The following KRT17 variants were observed in gnomAD, a reference collection of about 807,000 sequenced individuals.
KRT17 encodes the protein keratin, type I cytoskeletal 17.
A neutral mutation model predicts 45.6 loss-of-function variants in KRT17; 29 were observed. The observed-to-expected ratio is 0.64, with a 90% CI of 0.47 to 0.87. The LOEUF is 0.87. Ranked by LOEUF, KRT17 falls within the 40% of genes least tolerant of loss-of-function variation. KRT17 has a pLI of 0.00. For synonymous variants in KRT17, 219 were observed against 234.6 expected, an observed-to-expected ratio of 0.93 and a Z score of 0.61; for missense variants, 536 against 577.8, an observed-to-expected ratio of 0.93 and a Z score of 0.74.
At chr17:41,623,847 C>T (rs571511137) in intron 1 of KRT17, among the ~76,000 whole-genome samples, 1 of 152,372 alleles carries the variant, frequency 6.6e-6, no homozygotes, top group African/African-American at 2.4e-5. Context: ...GAAACTGAGG[C>T]TCCAAGGGGC....
chr17:41,619,799 G>A (rs1200168084), intron 7 of KRT17, 111 bp from the exon 8 acceptor site: 3 of 1,580,716 alleles, frequency 1.9e-6, no homozygotes, highest in Non-Finnish European at 2.6e-6. Context: ...CCCAGGTGCT[G>A]TGAGTGCCTC....
In KRT17 at chr17:41,622,482, C is replaced by T. The variant is rs750881227; in HGVS notation, c.545G>A (p.Ser182Asn). The T allele has an allele frequency of 8.7e-6, 14 of 1,613,720 alleles. No homozygotes were observed. In the Admixed American group the frequency reaches 2.2e-4, roughly 25 times the overall value. The change falls in exon 3 of 8, where the codon AGT (serine) becomes AAT (asparagine). Residue 182 changes from serine (S) to asparagine (N), a missense_variant. Transcript: ENST00000311208. ...KFETEQALRL[S>N]VEADINGLRR... ...CAGGCCATTGATGTCGGCCTCCACACTCAGGCGCAGGGCCTGCTCTGTCTC... is the reference window on the plus strand; with the variant it reads ...CAGGCCATTGATGTCGGCCTCCACATTCAGGCGCAGGGCCTGCTCTGTCTC...
Position 41,621,738 on chromosome 17 carries a change from C to T in KRT17, c.689G>A (p.Arg230Gln), listed in dbSNP as rs137961542. ...ATTGATCTCACCACCCACCTGGCCT[C>T]GCAGGGCGTTCATCTCCTATGGAAA... ...KNHEEEMNALRGQVGGEINVE... is the reference protein window; with the variant it reads ...KNHEEEMNALQGQVGGEINVE... The change falls in exon 4 of 8, where the codon CGA becomes CAA. Residue 230 changes from arginine (R) to glutamine (Q), a missense_variant. Physicochemically the swap from Arg to Gln is conservative, Grantham distance 43. Transcript: ENST00000311208. 87 of 1,611,954 alleles carry T rather than the reference C, an allele frequency of 5.4e-5. No homozygotes were observed. The highest frequency in any genetic ancestry group is 6.5e-5 in the Non-Finnish European group (77 of 1,179,860).
At chr17:41,622,077 T>C (rs1908560792) in intron 3 of KRT17, 8 of 594,638 alleles carry the variant, frequency 1.3e-5, no homozygotes, top group Non-Finnish European at 2.4e-5. Flanking sequence ...ATTTCCTTAC[T>C]TATCCCCCAC....
chr17:41,622,877 T>G lies in KRT17; in HGVS notation c.515+73A>C, dbSNP rs1385923193. The stretch of plus-strand genomic sequence containing the variant: ...CTTGCCACAAGCAACCAAGGAATCC[T>G]GGGGTCAGGAGGGGTACCCTGAGAT... On this transcript the variant is annotated intron_variant, in intron 2 of 7. Transcript: ENST00000311208. 3.8e-6 allele frequency: 5 copies of G among 1,330,690 alleles called. No individual in the cohort carries two copies. In the East Asian group the frequency reaches 1.2e-4, roughly 31 times the overall value. The allele number at this position is 1,330,690 out of a possible 1,614,324, so 82.4% of individuals were successfully genotyped here.
rs1418659604 is a variant in KRT17 at position 41,624,309 on chromosome 17, A to G, written c.201T>C (p.Gly67=). The change falls in exon 1 of 8, where the codon GGT becomes GGC. Residue 67 remains glycine (G), a synonymous_variant. Transcript: ENST00000311208. The part of the protein sequence containing the change: ...YSSCYSFGSG[G]GYGSSFGGVD... ...CACCCCCAAAGCTGCTGCCATAGCC[A>G]CCACCAGAGCCAAAGCTGTAGCAGC... is the stretch of plus-strand genomic sequence containing the variant. 2 of 1,611,980 alleles carry G rather than the reference A, an allele frequency of 1.2e-6. No homozygotes were observed. Among genetic ancestry groups the G allele is most frequent in the Admixed American group, 3.3e-5 (2 of 60,002 alleles).
chr17:41,621,074 G>A lies in KRT17; in HGVS notation c.852C>T (p.Arg284=), dbSNP rs147718833. 100 of 1,613,946 alleles carry A rather than the reference G, an allele frequency of 6.2e-5. 1 individual carries two copies. The East Asian group carries it at 1.6e-3, about 27-fold the overall frequency. Residue 284 remains arginine, a synonymous_variant, in exon 5 of 8, where the codon CGC becomes CGT. Coordinates refer to ENST00000311208, the MANE Select transcript of KRT17 (RefSeq NM_000422.3). ...CCAGCTCACTGTTGGTGGCCACCTC[G>A]CGGTTCAGTTCCTCTGTCTGCAGAC... The part of the protein sequence containing the change: ...WFFSKTEELN[R]EVATNSELVQ...
At chr17:41,623,682 C>T (rs1218707189) in intron 1 of KRT17, among the ~76,000 whole-genome samples, 2 of 151,850 alleles carry the variant, frequency 1.3e-5, no homozygotes, top group Non-Finnish European at 2.9e-5. Context: ...CTCACTCAGA[C>T]ACCCCCACTC....
In KRT17 at chr17:41,624,532, C is replaced by T. The variant is rs1415423454; in HGVS notation, c.-23G>A. 5.6e-6 allele frequency: 9 copies of T among 1,604,392 alleles called. No homozygotes were observed. The highest frequency in any genetic ancestry group is 7.7e-6 in the Non-Finnish European group (9 of 1,175,438). ...CATGGTGGCGGCGGCAGGAGGCAGG[C>T]ACACAGGAGAAGGGCTGGAGAGGAG... is the stretch of plus-strand genomic sequence containing the variant. On this transcript the variant is annotated 5_prime_UTR_variant, in exon 1 of 8. Transcript: ENST00000311208.
chr17:41,622,897 T>C, intron 2 of KRT17, 53 bp downstream of exon 2: 1 of 1,489,108 alleles, frequency 6.7e-7, no homozygotes, highest in East Asian at 2.3e-5. Flanking sequence ...AGGGGTACCC[T>C]GAGATCCTCC....
At position 41,624,444 on chromosome 17, in the gene KRT17, G is replaced by T. The variant is rs77202564; in HGVS notation, c.66C>A (p.Gly22=). 23 of 1,610,032 alleles carry T rather than the reference G, an allele frequency of 1.4e-5. No individual in the cohort carries two copies. The East Asian group carries it at 4.9e-4, about 34-fold the overall frequency. The stretch of plus-strand genomic sequence containing the variant: ...GCCGGCAGGAGGTGCGGGACGAGCC[G>T]CCCCCCAGGCCGGAGGAGCCCTTGA... The part of the protein sequence containing the change: ...SSIKGSSGLG[G]GSSRTSCRLS... Residue 22 remains glycine (G), a synonymous_variant, in exon 1 of 8, where the codon GGC becomes GGA. Coordinates refer to ENST00000311208, the MANE Select transcript of KRT17 (RefSeq NM_000422.3).
chr17:41,623,089 G>C (rs1908602381), intron 1 of KRT17, 57 bp from the exon 2 acceptor site: 8 of 1,320,538 alleles, frequency 6.1e-6, no homozygotes, highest in East Asian at 4.6e-5. Flanking sequence ...GCCCACACCA[G>C]GGTTCTGAGC....
Position 41,619,597 on chromosome 17 carries a change from G to T in KRT17, c.1296C>A (p.Arg432=). ...GCCGGCCGGGGTAGCTGAGTCCTCA[G>T]CGGGTGGTCTGGTGGACCTGCTCGC... ...SSREQVHQTT[R] The change falls in exon 8 of 8, where the codon CGC becomes CGA. Residue 432 remains arginine, a synonymous_variant. Coordinates refer to ENST00000311208, the MANE Select transcript of KRT17 (RefSeq NM_000422.3). The T allele has an allele frequency of 6.2e-7, 1 of 1,612,238 alleles. No individual in the cohort carries two copies. The highest frequency in any genetic ancestry group is 8.5e-7 in the Non-Finnish European group (1 of 1,180,018).
intron 3 of KRT17, 143 bp downstream of exon 3, chr17:41,622,212 G>A (rs1908566140): frequency 3.8e-6 from 4 of 1,043,510 alleles, no homozygotes; most frequent in Admixed American, 1.8e-5. Flanking sequence ...AAGGATCAGG[G>A]CTCTGCAGAC....
At chr17:41,621,895 AT>A (rs1434150382) in intron 3 of KRT17, 141 bp from the exon 4 acceptor site, 1 of 868,770 alleles carries the variant, frequency 1.2e-6, no homozygotes, top group Non-Finnish European at 1.9e-6. Flanking sequence ...CCTCTAAATG[AT>A]TTTTATTCAT....
intron 7 of KRT17, chr17:41,620,012 C>A: frequency 1.0e-6 from 1 of 985,386 alleles, no homozygotes; most frequent in Non-Finnish European, 1.2e-6. Flanking sequence ...GTCTCTAGGA[C>A]ATAGATTTTC....
chr17:41,622,289 T>G, intron 3 of KRT17, 66 bp downstream of exon 3: 1 of 1,603,814 alleles, frequency 6.2e-7, no homozygotes, highest in Non-Finnish European at 8.5e-7. Flanking sequence ...CCTCAGCCAT[T>G]GCCCAGCCCC....
At chr17:41,621,782 G>T (rs748204804) in intron 3 of KRT17, 28 bp from the exon 4 acceptor site, 5 of 1,611,560 alleles carry the variant, frequency 3.1e-6, no homozygotes, top group Non-Finnish European at 4.2e-6. Context: ...GTGGATGTGC[G>T]CATCTGGACC....
rs756456341 is a variant in KRT17, at chr17:41,624,531, G to A, written c.-22C>T. On this transcript the variant is annotated 5_prime_UTR_variant, in exon 1 of 8. Coordinates refer to ENST00000311208, the MANE Select transcript of KRT17 (RefSeq NM_000422.3). ...TCATGGTGGCGGCGGCAGGAGGCAG[G>A]CACACAGGAGAAGGGCTGGAGAGGA... 2.5e-6 allele frequency: 4 copies of A among 1,603,622 alleles called. No homozygotes were observed. Among genetic ancestry groups the A allele is most frequent in the Non-Finnish European group, 3.4e-6 (4 of 1,174,872 alleles).
Sources: gnomAD v4.1 joint callset for allele counts (sites outside exome capture counted in the v4.1 genomes callset) on GRCh38, gnomAD v4.1.1 for gene constraint, MANE v1.5 for transcripts, NCBI Gene and HGNC (gene_info 2026-07-23, HGNC 2026-07-21) for gene names.